The following ZNF267 variants were observed in gnomAD, a reference collection of about 807,000 sequenced individuals.
ZNF267 encodes the protein zinc finger protein 267.
In ZNF267, 61 loss-of-function variants were observed where a neutral mutation model predicts 71.6. The observed-to-expected ratio is 0.85, with a 90% CI of 0.69 to 1.05. ZNF267 has a LOEUF of 1.05. Among genes scored for constraint, ZNF267 ranks in the 50% least tolerant of loss-of-function variants. The pLI, the probability that ZNF267 is intolerant of heterozygous loss-of-function variation, is 0.00. For missense variants in ZNF267, 852 were observed against 870.0 expected, an observed-to-expected ratio of 0.98 and a Z score of 0.26; for synonymous variants, 288 against 293.2, an observed-to-expected ratio of 0.98 and a Z score of 0.18.
chr16:31,878,551 T>C (rs2083868087), intron 1 of ZNF267, among the ~76,000 whole-genome samples: 1 of 152,194 alleles, frequency 6.6e-6, no homozygotes, highest in Non-Finnish European at 1.5e-5. Flanking sequence ...ACTGAATCCG[T>C]AGCAGCAGCC....
intron 1 of ZNF267, among the ~76,000 whole-genome samples, chr16:31,882,544 G>C (rs72793029): frequency 9.9e-4 from 151 of 152,264 alleles, no homozygotes; most frequent in Non-Finnish European, 1.6e-3. Flanking sequence ...AGGGGGCCCA[G>C]AATACCAAAT....
At chr16:31,874,584 T>C (rs1325122542) in intron 1 of ZNF267, among the ~76,000 whole-genome samples, 2 of 152,216 alleles carry the variant, frequency 1.3e-5, no homozygotes, top group African/African-American at 4.8e-5. Context: ...TGTGGTTCGT[T>C]AAGTCTGAAT....
chr16:31,879,632 G>A (rs1399493579), intron 1 of ZNF267, among the ~76,000 whole-genome samples: 11 of 152,252 alleles, frequency 7.2e-5, no homozygotes, highest in South Asian at 2.1e-4. Context: ...CCATTGCCCC[G>A]AAAATCTGCA....
Position 31,873,865 on chromosome 16 carries a change from CG to C in ZNF267, c.-100del, listed in dbSNP as rs1286826642. The C allele has an allele frequency of 6.6e-7, 1 of 1,523,966 alleles. No homozygotes were observed. Among genetic ancestry groups the C allele is most frequent in the African/African-American group, 1.4e-5 (1 of 73,090 alleles). The allele number at this position is 1,523,966 out of a possible 1,614,324, so 94.4% of individuals were successfully genotyped here. On this transcript the variant is annotated 5_prime_UTR_variant, in exon 1 of 4. Coordinates refer to ENST00000300870, the MANE Select transcript of ZNF267 (RefSeq NM_003414.6). ...AGTCTTTCGTTCTGGGAGGCCCAGG[CG>C]GCTTCGCGTTCTGAGAATAAACAGA...
Position 31,915,888 on chromosome 16 carries a change from C to T in ZNF267, c.1639C>T (p.Pro547Ser), listed in dbSNP as rs766634128. The part of the protein sequence containing the change: ...VHERIHTGEK[P>S]YKCKECGKAF... Reference sequence around the variant, plus strand: ...TGAGAGAATTCATACTGGAGAGAAACCCTATAAATGTAAAGAATGTGGCAA... The same window carrying T: ...TGAGAGAATTCATACTGGAGAGAAATCCTATAAATGTAAAGAATGTGGCAA... Residue 547 changes from proline (P) to serine (S), a missense_variant, in exon 4 of 4, where the codon CCC (proline) becomes TCC (serine). Coordinates refer to ENST00000300870, the MANE Select transcript of ZNF267 (RefSeq NM_003414.6). 3 of 1,613,792 alleles carry T rather than the reference C, an allele frequency of 1.9e-6. No homozygotes were observed. The South Asian group carries it at 3.3e-5, about 18-fold the overall frequency.
At chr16:31,908,755 C>T (rs986971298) in intron 3 of ZNF267, among the ~76,000 whole-genome samples, 4 of 152,026 alleles carry the variant, frequency 2.6e-5, no homozygotes, top group Non-Finnish European at 5.9e-5. Context: ...TTTGGGTTCT[C>T]TATTCTGTTG....
chr16:31,915,240 T>G lies in ZNF267; in HGVS notation c.991T>G (p.Leu331Val). ...CAAATGTGAAAAATGTGGGGATAGC[T>G]TAAACCATAGTTTGCACCTTACTCA... ...PYKCEKCGDS[L>V]NHSLHLTQHQ... Residue 331 changes from leucine to valine, a missense_variant, in exon 4 of 4, where the codon TTA becomes GTA. Leu to Val is a conservative substitution (Grantham distance 32, BLOSUM62 1). Coordinates refer to ENST00000300870, the MANE Select transcript of ZNF267 (RefSeq NM_003414.6). The G allele has an allele frequency of 6.2e-7, 1 of 1,613,970 alleles. No individual in the cohort carries two copies. The highest frequency in any genetic ancestry group is 8.5e-7 in the Non-Finnish European group (1 of 1,179,948).
At chr16:31,903,655 G>A (rs945326756) in intron 3 of ZNF267, among the ~76,000 whole-genome samples, 1 of 151,996 alleles carries the variant, frequency 6.6e-6, no homozygotes, top group Non-Finnish European at 1.5e-5. Context: ...ATTTTTTATT[G>A]CATCTATTTG....
At chr16:31,893,787 C>T (rs1221681797) in intron 3 of ZNF267, among the ~76,000 whole-genome samples, 1 of 152,194 alleles carries the variant, frequency 6.6e-6, no homozygotes, top group Non-Finnish European at 1.5e-5. Flanking sequence ...ATATATAGAA[C>T]CACAGATAGA....
chr16:31,914,165 T>C (rs562058634), intron 3 of ZNF267: 6 of 263,774 alleles, frequency 2.3e-5, no homozygotes, highest in Admixed American at 1.5e-4. Flanking sequence ...AGCACTGGGT[T>C]CATTGTAGTC....
intron 1 of ZNF267, among the ~76,000 whole-genome samples, chr16:31,882,388 G>A (rs941917536): frequency 2.0e-5 from 3 of 152,192 alleles, no homozygotes; most frequent in Non-Finnish European, 4.4e-5. Context: ...AGTATTGGGC[G>A]TAAGGGACTC....
intron 3 of ZNF267, chr16:31,894,565 C>T: frequency 2.0e-6 from 1 of 501,744 alleles, no homozygotes; most frequent in South Asian, 1.5e-5. Flanking sequence ...TAATCGCGCT[C>T]TCACCTTTTC....
intron 3 of ZNF267, among the ~76,000 whole-genome samples, chr16:31,891,378 G>A (rs148449975): frequency 6.6e-4 from 100 of 152,204 alleles, no homozygotes; most frequent in African/African-American, 2.3e-3. Context: ...CTAACGTTAT[G>A]GTATTAGTGT....
intron 1 of ZNF267, among the ~76,000 whole-genome samples, chr16:31,881,984 A>G (rs1260263127): frequency 6.6e-6 from 1 of 152,206 alleles, no homozygotes; most frequent in Non-Finnish European, 1.5e-5. Flanking sequence ...CTTGTGAACT[A>G]AACTTGACTC....
chr16:31,875,206 T>C (rs2083843656), intron 1 of ZNF267: 4 of 1,289,082 alleles, frequency 3.1e-6, no homozygotes, highest in Non-Finnish European at 4.0e-6. Context: ...ATTTCAGAAC[T>C]GTCTGGGATG....
chr16:31,875,900 C>T (rs2083849128), intron 1 of ZNF267, among the ~76,000 whole-genome samples: 1 of 152,150 alleles, frequency 6.6e-6, no homozygotes, highest in Non-Finnish European at 1.5e-5. Flanking sequence ...AGTCATACTT[C>T]ATTGTTAAAA....
Position 31,916,362 on chromosome 16 carries a change from A to G in ZNF267, c.2113A>G (p.Thr705Ala), listed in dbSNP as rs780338873. The change falls in exon 4 of 4, where the codon ACA becomes GCA. Residue 705 changes from threonine to alanine, a missense_variant. Coordinates refer to ENST00000300870, the MANE Select transcript of ZNF267 (RefSeq NM_003414.6). The stretch of plus-strand genomic sequence containing the variant: ...CTTCAGCTATAGGTCATACCTCACT[A>G]CACATCGGAGAAGTCATAGTGGAGA... Reference protein sequence around the residue: ...KAFSYRSYLTTHRRSHSGERP... With the variant: ...KAFSYRSYLTAHRRSHSGERP... The G allele has an allele frequency of 6.2e-7, 1 of 1,613,720 alleles. No individual in the cohort carries two copies. Among genetic ancestry groups the G allele is most frequent in the South Asian group, 1.1e-5 (1 of 91,058 alleles).
Position 31,915,477 on chromosome 16 carries a change from T to C in ZNF267, c.1228T>C (p.Cys410Arg). 2 of 1,613,828 alleles carry C rather than the reference T, an allele frequency of 1.2e-6. No individual in the cohort carries two copies. The highest frequency in any genetic ancestry group is 1.7e-6 in the Non-Finnish European group (2 of 1,179,894). The change falls in exon 4 of 4, where the codon TGT (cysteine) becomes CGT (arginine). Residue 410 changes from cysteine to arginine, a missense_variant. By Grantham distance (180) the Cys-to-Arg change is radical. Coordinates refer to ENST00000300870, the MANE Select transcript of ZNF267 (RefSeq NM_003414.6). ...RIHTGEKPYK[C>R]KECGKAFRCS... ...TCACACTGGAGAGAAACCATACAAA[T>C]GTAAAGAATGTGGCAAAGCCTTTCG...
rs182711871 is a variant in ZNF267 at position 31,883,653 on chromosome 16, G to A, written c.4-845G>A. Among the ~76,000 whole-genome samples the A allele has an allele frequency of 2.8e-3, 428 of 152,264 alleles. 3 individuals are homozygous for A. Among genetic ancestry groups the A allele is most frequent in the African/African-American group, 9.8e-3 (408 of 41,532 alleles). ...AAGAGGAAGAATATAATTTTTCTCA[G>A]ATTATTTATTGGGTTTTATATATGT... On this transcript the variant is annotated intron_variant, in intron 1 of 3. Coordinates refer to ENST00000300870, the MANE Select transcript of ZNF267 (RefSeq NM_003414.6).
Sources: allele counts gnomAD v4.1 joint callset (sites outside exome capture counted in the v4.1 genomes callset), GRCh38; gene constraint gnomAD v4.1.1; transcripts MANE v1.5; gene names NCBI Gene and HGNC (gene_info 2026-07-23, HGNC 2026-07-21).